Variants in DCC observed in about 807,000 individuals in gnomAD.
The protein encoded by DCC is netrin receptor DCC.
Under a neutral mutation model 172.5 loss-of-function variants are expected in DCC, and 58 were observed. That is an observed-to-expected ratio of 0.34 (90% confidence interval 0.27 to 0.42). The LOEUF (loss-of-function observed/expected upper bound fraction) is 0.42. DCC is among the 10% of genes least tolerant of loss of function. DCC has a pLI of 1.00. For synonymous variants in DCC, 709 were observed against 644.5 expected, an observed-to-expected ratio of 1.10 and a Z score of -1.52; for missense variants, 1,740 against 1,791.0, an observed-to-expected ratio of 0.97 and a Z score of 0.51.
At chr18:52,733,972 C>A (rs562596624) in intron 1 of DCC, among the ~76,000 whole-genome samples, 1 of 152,098 alleles carries the variant, frequency 6.6e-6, no homozygotes, top group East Asian at 1.9e-4. Context: ...ATAATTAATT[C>A]TGTTTCTAGT....
At chr18:53,336,001 A>G (rs1318702716) in intron 14 of DCC, among the ~76,000 whole-genome samples, 1 of 152,194 alleles carries the variant, frequency 6.6e-6, no homozygotes, top group Admixed American at 6.6e-5. Flanking sequence ...GGTACCTCCC[A>G]CAACACGTAG....
intron 15 of DCC, among the ~76,000 whole-genome samples, chr18:53,361,956 A>G (rs1364045219): frequency 6.6e-6 from 1 of 152,190 alleles, no homozygotes; most frequent in Non-Finnish European, 1.5e-5. Flanking sequence ...GAATTCTATA[A>G]AAGTATTGGA....
In DCC at chr18:53,339,921, A is replaced by AT. The variant is rs112984485; in HGVS notation, c.2359+22dup. ...TTGAGAGGTTAGGTGAGTATCTGTG[A>AT]TTTTTTTTATTCTATTAAGGGGAAT... On this transcript the variant is annotated intron_variant, in intron 15 of 28. Coordinates refer to ENST00000442544, the MANE Select transcript of DCC (RefSeq NM_005215.4). The AT allele has an allele frequency of 1.1e-4, 181 of 1,603,980 alleles. No individual in the cohort carries two copies. The African/African-American group carries it at 1.3e-3, about 12-fold the overall frequency.
chr18:53,513,594 G>T (rs2046289729), intron 27 of DCC, among the ~76,000 whole-genome samples: 1 of 152,000 alleles, frequency 6.6e-6, no homozygotes, highest in Admixed American at 6.6e-5. Flanking sequence ...ACACACATAG[G>T]CTCAAAATAA....
chr18:53,333,505 T>C (rs9955094), intron 14 of DCC, among the ~76,000 whole-genome samples: 146,954 of 152,302 alleles, frequency 0.96, 71,131 homozygotes, highest in Middle Eastern at 1. Flanking sequence ...GTGGCGACTG[T>C]TTGCATTACC....
Position 53,021,553 on chromosome 18 carries a change from C to CATGT in DCC, c.986-41752_986-41751insATGT, listed in dbSNP as rs35988052. 3.2e-3 allele frequency among the ~76,000 whole-genome samples: 485 copies of CATGT among 151,240 alleles called. 5 individuals carry two copies. The highest frequency in any genetic ancestry group is 9.1e-3 in the African/African-American group (374 of 41,268). On this transcript the variant is annotated intron_variant, in intron 5 of 28. Transcript: ENST00000442544. ...AGAATTGCTATTCTATATAAACTTA[C>CATGT]GTGTGTGTGTGTGTGTGCATGTGTA...
rs577280886 is a variant in DCC, at chr18:52,732,651, A to G, written c.92-19403A>G. Among the ~76,000 whole-genome samples the G allele has an allele frequency of 7.2e-5, 11 of 152,302 alleles. No homozygotes were observed. In the South Asian group the frequency reaches 1.4e-3, roughly 20 times the overall value. On this transcript the variant is annotated intron_variant, in intron 1 of 28. Transcript: ENST00000442544. Reference sequence around the variant, plus strand: ...AGAAGAAAGTTTGCAGACCTCTGATATAGAGAAATAAATCTGTCAGAAATG... The same window carrying G: ...AGAAGAAAGTTTGCAGACCTCTGATGTAGAGAAATAAATCTGTCAGAAATG...
At chr18:53,262,250 G>A (rs1004397153) in intron 12 of DCC, among the ~76,000 whole-genome samples, 2 of 152,102 alleles carry the variant, frequency 1.3e-5, no homozygotes, top group East Asian at 1.9e-4. Context: ...CTAAACTTAT[G>A]TGAATGTATT....
intron 12 of DCC, among the ~76,000 whole-genome samples, chr18:53,258,434 A>G (rs573084061): frequency 6.6e-6 from 1 of 152,198 alleles, no homozygotes; most frequent in South Asian, 2.1e-4. Flanking sequence ...TTGGTTTCAA[A>G]GAACATCTTT....
intron 1 of DCC, among the ~76,000 whole-genome samples, chr18:52,677,160 T>C (rs2035659760): frequency 6.6e-6 from 1 of 152,206 alleles, no homozygotes; most frequent in South Asian, 2.1e-4. Flanking sequence ...TGTCTCTTAA[T>C]GCCAAGGTTT....
intron 2 of DCC, among the ~76,000 whole-genome samples, chr18:52,801,614 A>G (rs556593764): frequency 4.3e-4 from 66 of 152,346 alleles, no homozygotes; most frequent in African/African-American, 1.4e-3. Flanking sequence ...TGGACTTCTC[A>G]AAGTTTTGAA....
rs374514347 is a variant in DCC at position 52,704,508 on chromosome 18, C to G, written c.92-47546C>G. ...AAAATTTATGAAAGATGTCCTCCTC[C>G]TATCCTGAAAGTTTATATTTTATTA... is the stretch of plus-strand genomic sequence containing the variant. On this transcript the variant is annotated intron_variant, in intron 1 of 28. Transcript: ENST00000442544. Among the ~76,000 whole-genome samples, 15 of 152,316 alleles carry G rather than the reference C, an allele frequency of 9.8e-5. No individual in the cohort carries two copies. In the East Asian group the frequency reaches 2.3e-3, roughly 23 times the overall value.
Position 52,472,732 on chromosome 18 carries a change from G to A in DCC, c.91+131854G>A, listed in dbSNP as rs376222029. ...AGCTTGGGCAGCAAAGCAAAACTGTGTCTCTACAAAAAACATTTAAAAATT... is the reference window on the plus strand; with the variant it reads ...AGCTTGGGCAGCAAAGCAAAACTGTATCTCTACAAAAAACATTTAAAAATT... On this transcript the variant is annotated intron_variant, in intron 1 of 28. Transcript: ENST00000442544. Among the ~76,000 whole-genome samples, 50 of 152,152 alleles carry A rather than the reference G, an allele frequency of 3.3e-4. No homozygotes were observed. In the East Asian group the frequency reaches 7.0e-3, roughly 21 times the overall value.
chr18:53,014,158 T>C (rs2041771849), intron 5 of DCC, among the ~76,000 whole-genome samples: 2 of 152,222 alleles, frequency 1.3e-5, no homozygotes, highest in Admixed American at 1.3e-4. Flanking sequence ...TTGGCCCATT[T>C]TGAATCAATC....
At chr18:53,370,054 G>A (rs2058044356) in intron 15 of DCC, among the ~76,000 whole-genome samples, 1 of 151,570 alleles carries the variant, frequency 6.6e-6, no homozygotes, top group Non-Finnish European at 1.5e-5. Context: ...TTTAATGTTT[G>A]GTAGAATTCA....
At chr18:53,311,191 G>A (rs1274669153) in intron 13 of DCC, among the ~76,000 whole-genome samples, 2 of 151,242 alleles carry the variant, frequency 1.3e-5, no homozygotes, top group Non-Finnish European at 2.9e-5. Context: ...GTGCAATCTC[G>A]GCTCACTGCA....
At chr18:53,522,442 A>G (rs66882949) in intron 27 of DCC, among the ~76,000 whole-genome samples, 36,387 of 152,058 alleles carry the variant, frequency 0.24, 4,853 homozygotes, top group East Asian at 0.41. Context: ...TGGAACCAAA[A>G]AAGGGCCCCT....
intron 1 of DCC, among the ~76,000 whole-genome samples, chr18:52,735,003 T>C (rs2036703638): frequency 1.3e-5 from 2 of 152,190 alleles, no homozygotes; most frequent in Admixed American, 6.6e-5. Flanking sequence ...GATTCCATTA[T>C]ATGTAATAAA....
At chr18:53,351,887 A>G (rs984553848) in intron 15 of DCC, among the ~76,000 whole-genome samples, 1 of 151,962 alleles carries the variant, frequency 6.6e-6, no homozygotes, top group African/African-American at 2.4e-5. Context: ...TATTATCCCA[A>G]TTTTAAAAAT....
Sources: gnomAD v4.1 joint callset for allele counts (sites outside exome capture counted in the v4.1 genomes callset) on GRCh38, gnomAD v4.1.1 for gene constraint, MANE v1.5 for transcripts, NCBI Gene and HGNC (gene_info 2026-07-23, HGNC 2026-07-21) for gene names.